FSD1L: variants seen among roughly 807,000 people sequenced by gnomAD.
FSD1L encodes the protein FSD1-like protein.
FSD1L carries 45 observed loss-of-function variants against 71.6 expected under a neutral mutation model. The observed-to-expected ratio is 0.63, with a 90% CI of 0.49 to 0.81. FSD1L has a LOEUF of 0.81. Among genes scored for constraint, FSD1L ranks in the 30% least tolerant of loss-of-function variants. The pLI, the probability that FSD1L is intolerant of heterozygous loss-of-function variation, is 0.00. For missense variants in FSD1L, 561 were observed against 618.1 expected, an observed-to-expected ratio of 0.91 and a Z score of 0.98; for synonymous variants, 197 against 207.2, an observed-to-expected ratio of 0.95 and a Z score of 0.42.
At chr9:105,449,194 T>C (rs1371396951) in intron 1 of FSD1L, among the ~76,000 whole-genome samples, 2 of 152,228 alleles carry the variant, frequency 1.3e-5, no homozygotes, top group Admixed American at 6.5e-5. Flanking sequence ...TCTACAATTT[T>C]GTCTACATTC....
chr9:105,457,644 T>G (rs1332306485), intron 1 of FSD1L, among the ~76,000 whole-genome samples: 1 of 152,250 alleles, frequency 6.6e-6, no homozygotes, highest in Non-Finnish European at 1.5e-5. Flanking sequence ...TGTCTCTCCT[T>G]GAGTTTCACT....
chr9:105,538,229 T>C (rs1225600699), intron 12 of FSD1L, among the ~76,000 whole-genome samples: 2 of 152,218 alleles, frequency 1.3e-5, no homozygotes, highest in Non-Finnish European at 2.9e-5. Flanking sequence ...TTCTGCTGTT[T>C]ACTAACTTTG....
At chr9:105,536,347 C>A (rs1382716158) in intron 12 of FSD1L, among the ~76,000 whole-genome samples, 1 of 152,152 alleles carries the variant, frequency 6.6e-6, no homozygotes, top group Non-Finnish European at 1.5e-5. Context: ...ACCATATATT[C>A]TGTTATTAGC....
chr9:105,459,341 G>A (rs1201189239), intron 1 of FSD1L, among the ~76,000 whole-genome samples: 1 of 152,188 alleles, frequency 6.6e-6, no homozygotes, highest in Non-Finnish European at 1.5e-5. Flanking sequence ...GTTCCTTAGT[G>A]CTTTTTATCT....
chr9:105,445,272 G>A (rs1829617936), upstream of FSD1L, among the ~76,000 whole-genome samples: 1 of 152,196 alleles, frequency 6.6e-6, no homozygotes, highest in Non-Finnish European at 1.5e-5. Flanking sequence ...CTGGGCAGGA[G>A]AGCCAGACTG....
intron 7 of FSD1L, among the ~76,000 whole-genome samples, chr9:105,488,182 A>T (rs930562001): frequency 2.0e-5 from 3 of 152,158 alleles, no homozygotes; most frequent in African/African-American, 7.2e-5. Flanking sequence ...CCATATTTTC[A>T]TCGTTCCTTA....
At chr9:105,475,708 C>G (rs1313233647) in intron 5 of FSD1L, among the ~76,000 whole-genome samples, 1 of 152,192 alleles carries the variant, frequency 6.6e-6, no homozygotes, top group Non-Finnish European at 1.5e-5. Context: ...GAAATGCAAT[C>G]TCCTATTGTA....
intron 10 of FSD1L, among the ~76,000 whole-genome samples, chr9:105,533,414 A>ATCTTTTTTT (rs1836030737): frequency 7.5e-5 from 1 of 13,376 alleles, no homozygotes; most frequent in Non-Finnish European, 1.7e-4. Context: ...TGCCATTTCC[A>ATCTTTTTTT]TCTTTTTTTT....
chr9:105,456,272 T>C (rs895601875), intron 1 of FSD1L, among the ~76,000 whole-genome samples: 1 of 152,214 alleles, frequency 6.6e-6, no homozygotes, highest in African/African-American at 2.4e-5. Context: ...GTGTGACATA[T>C]TAGCTTTGAT....
At chr9:105,492,131 A>G (rs1473565347) in intron 7 of FSD1L, among the ~76,000 whole-genome samples, 8 of 151,088 alleles carry the variant, frequency 5.3e-5, no homozygotes, top group Non-Finnish European at 8.9e-5. Flanking sequence ...CTGGTCCTGG[A>G]CTCTTTTTGG....
upstream of FSD1L, among the ~76,000 whole-genome samples, chr9:105,446,326 A>G (rs1808723723): frequency 6.6e-6 from 1 of 152,036 alleles, no homozygotes; most frequent in South Asian, 2.1e-4. Flanking sequence ...TGACATTTCT[A>G]TGAAAAATTA....
intron 6 of FSD1L, among the ~76,000 whole-genome samples, chr9:105,480,626 A>C (rs1285130721): frequency 6.6e-6 from 1 of 152,166 alleles, no homozygotes; most frequent in Admixed American, 6.5e-5. Context: ...TATATTTTAC[A>C]TCAGGCAGTA....
At chr9:105,454,341 TA>T (rs1293321850) in intron 1 of FSD1L, among the ~76,000 whole-genome samples, 10 of 152,226 alleles carry the variant, frequency 6.6e-5, no homozygotes, top group Admixed American at 6.5e-4. Context: ...TGTTTTACAG[TA>T]CCCTTTTGTT....
intron 9 of FSD1L, among the ~76,000 whole-genome samples, chr9:105,510,992 T>C (rs1236867125): frequency 1.3e-5 from 2 of 151,720 alleles, no homozygotes; most frequent in Non-Finnish European, 2.9e-5. Flanking sequence ...GCTAGTCTTT[T>C]TTTTTTTTTT....
At chr9:105,536,256 G>A (rs1836257774) in intron 12 of FSD1L, among the ~76,000 whole-genome samples, 1 of 152,174 alleles carries the variant, frequency 6.6e-6, no homozygotes, top group African/African-American at 2.4e-5. Flanking sequence ...TTTCCCATCT[G>A]AATAAACACA....
chr9:105,453,340 C>T (rs893583614), intron 1 of FSD1L, among the ~76,000 whole-genome samples: 6 of 151,968 alleles, frequency 3.9e-5, no homozygotes, highest in Non-Finnish European at 8.8e-5. Context: ...CGCCACCACA[C>T]TCAGCTAATT....
chr9:105,546,781 C>G lies in FSD1L; in HGVS notation c.*298C>G, dbSNP rs1837030737. On this transcript the variant is annotated 3_prime_UTR_variant, in exon 14 of 14. Transcript: ENST00000481272. ...TATTTCTTGGATTACTTTGACTATT[C>G]TAATGTTTAATTACATATGGTAACC... is the stretch of plus-strand genomic sequence containing the variant. 1 of 179,556 alleles carries G rather than the reference C, an allele frequency of 5.6e-6. No individual in the cohort carries two copies. Among genetic ancestry groups the G allele is most frequent in the African/African-American group, 2.5e-5 (1 of 39,874 alleles). 11.1% of individuals were successfully genotyped at this position (179,556 alleles called of 1,614,324 possible).
upstream of FSD1L, among the ~76,000 whole-genome samples, chr9:105,443,272 C>T (rs376313720): frequency 1.3e-5 from 2 of 152,218 alleles, no homozygotes; most frequent in South Asian, 2.1e-4. Flanking sequence ...GCAGAGGCCT[C>T]ACAATCATGG....
chr9:105,497,450 C>T (rs1259161171), intron 7 of FSD1L, among the ~76,000 whole-genome samples: 1 of 152,106 alleles, frequency 6.6e-6, no homozygotes, highest in Non-Finnish European at 1.5e-5. Context: ...GTACTTTTGT[C>T]CTGAAAAGTA....
Sources: gnomAD v4.1 joint callset for allele counts (sites outside exome capture counted in the v4.1 genomes callset) on GRCh38, gnomAD v4.1.1 for gene constraint, MANE v1.5 for transcripts, NCBI Gene and HGNC (gene_info 2026-07-23, HGNC 2026-07-21) for gene names.